Variants in ACAP1 observed in about 807,000 individuals in gnomAD.
ACAP1 encodes arf-GAP with coiled-coil, ANK repeat and PH domain-containing protein 1.
In ACAP1, 45 loss-of-function variants were observed where a neutral mutation model predicts 98.8. The ratio of observed to expected loss-of-function variants is 0.46; its 90% confidence interval spans 0.36 to 0.58. ACAP1 has a LOEUF of 0.58. Ranked by LOEUF, ACAP1 falls within the 20% of genes least tolerant of loss-of-function variation. The pLI is 0.00. For synonymous variants in ACAP1, 362 were observed against 375.3 expected (o/e 0.96, Z 0.41); for missense variants, 735 against 971.4 (o/e 0.76, Z 3.24).
At chr17:7,340,926 C>T (rs2073269808) in intron 2 of ACAP1, among the ~76,000 whole-genome samples, 1 of 152,110 alleles carries the variant, frequency 6.6e-6, no homozygotes, top group African/African-American at 2.4e-5. Context: ...GGTGATCCAC[C>T]CACCTCAGCC....
chr17:7,342,249 C>T, intron 3 of ACAP1, 26 bp from the exon 4 acceptor site: 1 of 1,613,626 alleles, frequency 6.2e-7, no homozygotes, highest in Non-Finnish European at 8.5e-7. Context: ...ATGCCTGGTA[C>T]TCTTTCTGTG....
intron 2 of ACAP1, among the ~76,000 whole-genome samples, chr17:7,338,000 T>A (rs1597646777): frequency 6.6e-6 from 1 of 152,306 alleles, no homozygotes. Context: ...GTGAAACGTT[T>A]CAATTCAAGA....
chr17:7,341,181 C>T (rs898303788), intron 2 of ACAP1, among the ~76,000 whole-genome samples: 5 of 152,226 alleles, frequency 3.3e-5, no homozygotes, highest in African/African-American at 9.6e-5. Flanking sequence ...GACAGAGTCT[C>T]GGTCTGTCAC....
rs1244352952 is a variant in ACAP1 at position 7,350,421 on chromosome 17, G to A, written c.2072+184G>A. On this transcript the variant is annotated intron_variant, in intron 20 of 21. Coordinates refer to ENST00000158762, the MANE Select transcript of ACAP1 (RefSeq NM_014716.4). The surrounding 1 kb of genome is among the most constrained non-coding windows in gnomAD (Gnocchi z 4.6). ...CTGCGCGAAGTGTGCACTGGGACGT[G>A]GAGTAGAAGGCAGGCGGGAGGGCGG... is the stretch of plus-strand genomic sequence containing the variant. 3 of 599,732 alleles carry A rather than the reference G, an allele frequency of 5.0e-6. No individual in the cohort carries two copies. Among genetic ancestry groups the A allele is most frequent in the Non-Finnish European group, 8.9e-6 (3 of 338,730 alleles). 37.2% of individuals were successfully genotyped at this position (599,732 alleles called of 1,614,324 possible). A position where few individuals can be genotyped will look rare whatever the true frequency, so the allele number is the denominator to read the frequency against.
intron 1 of ACAP1, among the ~76,000 whole-genome samples, chr17:7,337,074 G>C (rs2073227824): frequency 6.6e-6 from 1 of 152,174 alleles, no homozygotes. Flanking sequence ...CTCTGGGGCG[G>C]TTAGCAACTT....
At position 7,350,724 on chromosome 17, in the gene ACAP1, T is replaced by C; in HGVS notation, c.2073-226T>C. 1 of 496,902 alleles carries C rather than the reference T, an allele frequency of 2.0e-6. No individual in the cohort carries two copies. Among genetic ancestry groups the C allele is most frequent in the South Asian group, 2.1e-5 (1 of 47,940 alleles). 30.8% of individuals were successfully genotyped at this position (496,902 alleles called of 1,614,324 possible). On this transcript the variant is annotated intron_variant, in intron 20 of 21. Coordinates refer to ENST00000158762, the MANE Select transcript of ACAP1 (RefSeq NM_014716.4). This position sits in a 1 kb window ranked among gnomAD's most constrained non-coding sequence, Gnocchi z 4.6. Reference sequence around the variant, plus strand: ...CCCGGGTTCAAGCGATTCTCCTGTCTCAGCCTCCCCTGAGTAGCTGGGACT... The same window carrying C: ...CCCGGGTTCAAGCGATTCTCCTGTCCCAGCCTCCCCTGAGTAGCTGGGACT...
chr17:7,350,092 T>G lies in ACAP1; in HGVS notation c.1962-35T>G, dbSNP rs368434289. The G allele has an allele frequency of 1.2e-6, 2 of 1,613,080 alleles. No homozygotes were observed. The highest frequency in any genetic ancestry group is 3.3e-5 in the Admixed American group (2 of 59,946). On this transcript the variant is annotated intron_variant, in intron 19 of 21. Transcript: ENST00000158762. The surrounding 1 kb of genome is among the most constrained non-coding windows in gnomAD (Gnocchi z 4.6). ...GCATGGGGAGGAAGGCTGGGAGAAG[T>G]TGGGCGGCCGGCTGACCCTGGCTCT...
rs1414978862 is a variant in ACAP1 at position 7,347,425 on chromosome 17, G to T, written c.1343+183G>T. ...TGGGGTGCCAGTTGGACCCAGGCGG[G>T]CCTAGCCCCTCTGTGTCCTAGTCTG... On this transcript the variant is annotated intron_variant, in intron 14 of 21. Coordinates refer to ENST00000158762, the MANE Select transcript of ACAP1 (RefSeq NM_014716.4). 8.1e-6 allele frequency: 5 copies of T among 616,206 alleles called. No individual in the cohort carries two copies. The African/African-American group carries it at 9.3e-5, about 11-fold the overall frequency. 38.2% of individuals were successfully genotyped at this position (616,206 alleles called of 1,614,324 possible). A position where few individuals can be genotyped will look rare whatever the true frequency, so the allele number is the denominator to read the frequency against.
chr17:7,342,220 G>A (rs111664060), intron 3 of ACAP1, 55 bp from the exon 4 acceptor site: 109 of 1,609,508 alleles, frequency 6.8e-5, no homozygotes, highest in East Asian at 3.6e-4. Flanking sequence ...GTCTCGAGTC[G>A]GGAGGGTGCT....
At chr17:7,339,513 G>C (rs1181056949) in intron 2 of ACAP1, among the ~76,000 whole-genome samples, 2 of 152,110 alleles carry the variant, frequency 1.3e-5, no homozygotes, top group Non-Finnish European at 2.9e-5. Flanking sequence ...AGGAGGCTGA[G>C]GCAGGAGAAT....
intron 3 of ACAP1, 89 bp downstream of exon 3, chr17:7,342,156 G>T (rs2073289275): frequency 1.2e-6 from 2 of 1,606,650 alleles, no homozygotes; most frequent in Non-Finnish European, 8.5e-7. Flanking sequence ...GGGTCTGCAG[G>T]TTCCAGGCCA....
At chr17:7,347,294 G>A in intron 14 of ACAP1, 52 bp downstream of exon 14, 1 of 1,513,844 alleles carries the variant, frequency 6.6e-7, no homozygotes, top group Non-Finnish European at 9.1e-7. Context: ...CCACAGTGCG[G>A]CTCCAATACA....
At chr17:7,351,050 C>A in intron 21 of ACAP1, 51 bp downstream of exon 21, 8 of 1,557,218 alleles carry the variant, frequency 5.1e-6, no homozygotes, top group Non-Finnish European at 7.1e-6. Context: ...GAACTCTGGG[C>A]TTCTGGTCCA....
In ACAP1 at chr17:7,348,426, C is replaced by T; in HGVS notation, c.1629C>T (p.Pro543=). ...GCCCAAGGGGGCAGCCTCCTGTGCC[C>T]CCAAAGCCTTCCATCAGGCCCCGGC... ...RGRPRGQPPV[P]PKPSIRPRPG... Residue 543 remains proline (P), a synonymous_variant, in exon 17 of 22, where the codon CCC becomes CCT. Transcript: ENST00000158762. The T allele has an allele frequency of 1.3e-6, 2 of 1,511,430 alleles. No individual in the cohort carries two copies. Among genetic ancestry groups the T allele is most frequent in the Non-Finnish European group, 8.8e-7 (1 of 1,131,842 alleles). The allele number at this position is 1,511,430 out of a possible 1,614,324, so 93.6% of individuals were successfully genotyped here. A position where few individuals can be genotyped will look rare whatever the true frequency, so the allele number is the denominator to read the frequency against.
At chr17:7,341,396 C>G (rs576130152) in intron 2 of ACAP1, among the ~76,000 whole-genome samples, 1 of 152,252 alleles carries the variant, frequency 6.6e-6, no homozygotes, top group Admixed American at 6.5e-5. Context: ...CATGTGCCAC[C>G]ATGCCTGGCT....
intron 2 of ACAP1, among the ~76,000 whole-genome samples, chr17:7,339,018 T>C (rs376406901): frequency 1.6e-4 from 24 of 150,328 alleles, no homozygotes; most frequent in East Asian, 4.1e-4. Flanking sequence ...CGGCCAGGTG[T>C]GGTGGCTCAC....
In ACAP1 at chr17:7,350,436, C is replaced by G. The variant is rs2073394461; in HGVS notation, c.2072+199C>G. 1.5e-4 allele frequency: 52 copies of G among 345,504 alleles called. No homozygotes were observed. The highest frequency in any genetic ancestry group is 1.0e-3 in the Middle Eastern group (1 of 968). 21.4% of individuals were successfully genotyped at this position (345,504 alleles called of 1,614,324 possible). On this transcript the variant is annotated intron_variant, in intron 20 of 21. Coordinates refer to ENST00000158762, the MANE Select transcript of ACAP1 (RefSeq NM_014716.4). The surrounding 1 kb of genome is among the most constrained non-coding windows in gnomAD (Gnocchi z 4.6). ...ACTGGGACGTGGAGTAGAAGGCAGGCGGGAGGGCGGGCAGGGTGCAAGGAT... is the reference window on the plus strand; with the variant it reads ...ACTGGGACGTGGAGTAGAAGGCAGGGGGGAGGGCGGGCAGGGTGCAAGGAT...
At chr17:7,336,826 G>A (rs2073224706) in intron 1 of ACAP1, 39 bp downstream of exon 1, 1 of 1,604,484 alleles carries the variant, frequency 6.2e-7, no homozygotes, top group Non-Finnish European at 8.5e-7. Flanking sequence ...GGAGGGGAAA[G>A]TCTAACACCC....
intron 2 of ACAP1, among the ~76,000 whole-genome samples, chr17:7,341,098 G>A (rs183093010): frequency 1.3e-5 from 2 of 152,280 alleles, no homozygotes; most frequent in East Asian, 1.9e-4. Context: ...ATGAGGGAAC[G>A]TGCAGTGAGC....
Sources: allele counts gnomAD v4.1 joint callset (sites outside exome capture counted in the v4.1 genomes callset), GRCh38; gene constraint gnomAD v4.1.1; non-coding constraint Gnocchi (gnomAD v3.1); transcripts MANE v1.5; gene names NCBI Gene and HGNC (gene_info 2026-07-23, HGNC 2026-07-21).